NHSL1: variants seen among roughly 807,000 people sequenced by gnomAD.
NHSL1 encodes the protein NHS-like protein 1.
NHSL1 carries 48 observed loss-of-function variants against 95.0 expected under a neutral mutation model. That is an observed-to-expected ratio of 0.51 (90% confidence interval 0.40 to 0.64). The LOEUF (loss-of-function observed/expected upper bound fraction) is 0.64. Ranked by LOEUF, NHSL1 falls within the 30% of genes least tolerant of loss-of-function variation. The probability of loss-of-function intolerance (pLI) is 0.00; values close to 1 mark genes in which losing one functional copy is unlikely to be tolerated. For missense variants in NHSL1, 1,971 were observed against 2,077.7 expected (o/e 0.95, Z 1.00); for synonymous variants, 783 against 833.9 (o/e 0.94, Z 1.05).
intron 1 of NHSL1, among the ~76,000 whole-genome samples, chr6:138,630,129 C>A (rs1026920765): frequency 6.6e-6 from 1 of 151,886 alleles, no homozygotes; most frequent in Non-Finnish European, 1.5e-5. Flanking sequence ...GTGGGAGGAT[C>A]GCTTGAGCTT....
At chr6:138,436,433 T>C (rs1776105769) in intron 5 of NHSL1, among the ~76,000 whole-genome samples, 1 of 152,224 alleles carries the variant, frequency 6.6e-6, no homozygotes, top group African/African-American at 2.4e-5. Flanking sequence ...CCTAACTCTC[T>C]TCAATTCTGT....
intron 1 of NHSL1, among the ~76,000 whole-genome samples, chr6:138,534,149 T>C (rs1782244297): frequency 6.6e-6 from 1 of 152,236 alleles, no homozygotes; most frequent in Non-Finnish European, 1.5e-5. Context: ...TTTTATATTT[T>C]AAGCTATTCT....
chr6:138,430,690 T>C lies in NHSL1; in HGVS notation c.3655A>G (p.Asn1219Asp). 6.4e-7 allele frequency: 1 copy of C among 1,551,660 alleles called. No homozygotes were observed. Among genetic ancestry groups the C allele is most frequent in the Non-Finnish European group, 8.7e-7 (1 of 1,146,992 alleles). ...QKDFAVEPAE[N>D]VSEALRAVPS... Reference sequence around the variant, plus strand: ...ACAGCTCGGAGGGCTTCGCTCACGTTCTCTGCGGGCTCCACTGCAAAATCT... The same window carrying C: ...ACAGCTCGGAGGGCTTCGCTCACGTCCTCTGCGGGCTCCACTGCAAAATCT... Residue 1219 changes from asparagine (N) to aspartate (D), a missense_variant, in exon 6 of 8, where the codon AAC becomes GAC. Asn to Asp is a conservative substitution (Grantham distance 23, BLOSUM62 1). Coordinates refer to ENST00000343505, the MANE Select transcript of NHSL1 (RefSeq NM_001144060.2). This position sits in a 1 kb window ranked among gnomAD's most constrained non-coding sequence, Gnocchi z 4.7.
At position 138,431,017 on chromosome 6, in the gene NHSL1, A is replaced by T; in HGVS notation, c.3328T>A (p.Leu1110Ile). The T allele has an allele frequency of 6.4e-7, 1 of 1,552,300 alleles. No homozygotes were observed. Among genetic ancestry groups the T allele is most frequent in the South Asian group, 1.2e-5 (1 of 84,068 alleles). The change falls in exon 6 of 8, where the codon TTA (leucine) becomes ATA (isoleucine). Residue 1110 changes from leucine (L) to isoleucine (I), a missense_variant. This residue lies in a region of NHSL1 where 1,602 missense variants were observed against 1,654.5 expected (regional missense o/e 0.97). Coordinates refer to ENST00000343505, the MANE Select transcript of NHSL1 (RefSeq NM_001144060.2). The surrounding 1 kb of genome is among the most constrained non-coding windows in gnomAD (Gnocchi z 4.0). The stretch of plus-strand genomic sequence containing the variant: ...GATTTCAGGAAAGCAGATGGCTTTA[A>T]GTGGTACTGTGGAGCAACTGGAGTT... ...QRTPVAPQYHLKPSAFLKSRN... is the reference protein window; with the variant it reads ...QRTPVAPQYHIKPSAFLKSRN...
rs184534976 is a variant in NHSL1, at chr6:138,595,788, G to C, written c.96+96688C>G. Reference sequence around the variant, plus strand: ...AGTTGAAAGATTTCGGAAACAAAACGCTGAGTCCTATGGAGACAATGGGTA... The same window carrying C: ...AGTTGAAAGATTTCGGAAACAAAACCCTGAGTCCTATGGAGACAATGGGTA... On this transcript the variant is annotated intron_variant, in intron 1 of 3. Transcript: ENST00000491526. 7.9e-5 allele frequency among the ~76,000 whole-genome samples: 12 copies of C among 152,222 alleles called. No individual in the cohort carries two copies. In the East Asian group the frequency reaches 2.1e-3, roughly 27 times the overall value.
chr6:138,609,535 G>C (rs902858923), intron 1 of NHSL1, among the ~76,000 whole-genome samples: 4 of 152,072 alleles, frequency 2.6e-5, no homozygotes. Context: ...CGGATCACGA[G>C]GTCAAGAGCT....
At chr6:138,474,033 G>A (rs1778916071) in intron 2 of NHSL1, among the ~76,000 whole-genome samples, 1 of 152,164 alleles carries the variant, frequency 6.6e-6, no homozygotes, top group African/African-American at 2.4e-5. Context: ...ACATCTGCCA[G>A]TCCACAGAGG....
intron 1 of NHSL1, among the ~76,000 whole-genome samples, chr6:138,540,171 T>G (rs1428147721): frequency 6.6e-6 from 1 of 152,202 alleles, no homozygotes; most frequent in Non-Finnish European, 1.5e-5. Flanking sequence ...ATATGCAATT[T>G]TAAATGAAAG....
At chr6:138,617,452 C>T (rs1040061097) in intron 1 of NHSL1, among the ~76,000 whole-genome samples, 4 of 152,198 alleles carry the variant, frequency 2.6e-5, no homozygotes, top group Admixed American at 1.3e-4. Flanking sequence ...CACTGTCTCT[C>T]CCCTTTCACC....
intron 1 of NHSL1, among the ~76,000 whole-genome samples, chr6:138,519,954 A>T (rs549620454): frequency 6.6e-6 from 1 of 152,308 alleles, no homozygotes; most frequent in East Asian, 1.9e-4. Context: ...AACCTTTTTC[A>T]CGTTTTATAC....
chr6:138,512,342 T>C (rs991114449), intron 1 of NHSL1: 2 of 455,134 alleles, frequency 4.4e-6, no homozygotes, highest in African/African-American at 4.0e-5. Context: ...ACATTCATTA[T>C]CAAAATAAAT....
At chr6:138,559,389 G>A (rs1313939341) in intron 1 of NHSL1, among the ~76,000 whole-genome samples, 2 of 152,208 alleles carry the variant, frequency 1.3e-5, no homozygotes, top group Non-Finnish European at 2.9e-5. Context: ...CAATCACTCG[G>A]TCCTGCTGCC....
At chr6:138,482,490 T>C (rs1367034464) in intron 2 of NHSL1, among the ~76,000 whole-genome samples, 1 of 150,786 alleles carries the variant, frequency 6.6e-6, no homozygotes, top group Non-Finnish European at 1.5e-5. Flanking sequence ...TATCTAGACT[T>C]ATACCACCAG....
At chr6:138,543,911 G>T (rs551082329) in intron 1 of NHSL1, among the ~76,000 whole-genome samples, 1 of 152,180 alleles carries the variant, frequency 6.6e-6, no homozygotes, top group Non-Finnish European at 1.5e-5. Context: ...TTCCTGATTA[G>T]AACACACACT....
At chr6:138,509,167 T>C (rs1781103219) in intron 1 of NHSL1, among the ~76,000 whole-genome samples, 1 of 152,182 alleles carries the variant, frequency 6.6e-6, no homozygotes, top group Non-Finnish European at 1.5e-5. Context: ...GAAATTAAAA[T>C]TTATTTCCTG....
At position 138,531,455 on chromosome 6, in the gene NHSL1, C is replaced by T. The variant is rs138493544; in HGVS notation, c.16+14168G>A. On this transcript the variant is annotated intron_variant, in intron 1 of 4. Coordinates refer to the NHSL1 transcript ENST00000342260. ...AACTTCAAATAAGGGGGCAGGGTAA[C>T]GCTTTCCATTTTGTTTCTGTTTTTC... Among the ~76,000 whole-genome samples the T allele has an allele frequency of 5.7e-3, 871 of 151,502 alleles. 22 individuals carry two copies. Among genetic ancestry groups the T allele is most frequent in the Admixed American group, 0.048 (733 of 15,220 alleles).
chr6:138,503,695 C>G (rs768910520), upstream of NHSL1, among the ~76,000 whole-genome samples: 1 of 152,148 alleles, frequency 6.6e-6, no homozygotes, highest in Non-Finnish European at 1.5e-5. Context: ...ATGGCTTAAG[C>G]TACTGCCTTT....
chr6:138,688,021 G>A (rs1252711081), intron 1 of NHSL1, among the ~76,000 whole-genome samples: 2 of 152,118 alleles, frequency 1.3e-5, no homozygotes, highest in South Asian at 2.1e-4. Context: ...GCGCCATCTC[G>A]GGTCACTACA....
intron 1 of NHSL1, among the ~76,000 whole-genome samples, chr6:138,631,472 A>G (rs1403069337): frequency 2.0e-5 from 3 of 152,116 alleles, no homozygotes; most frequent in South Asian, 2.1e-4. Context: ...ATTTGAGGTG[A>G]GGAGAGAGAA....
Sources: gnomAD v4.1 joint callset for allele counts (sites outside exome capture counted in the v4.1 genomes callset) on GRCh38, gnomAD v4.1.1 for gene constraint, gnomAD v4.1.1 regional missense constraint, Gnocchi (gnomAD v3.1) non-coding constraint, MANE v1.5 for transcripts, NCBI Gene and HGNC (gene_info 2026-07-23, HGNC 2026-07-21) for gene names.